MYLK: variants seen among roughly 807,000 people sequenced by gnomAD.
MYLK encodes the protein myosin light chain kinase.
Under a neutral mutation model 203.4 loss-of-function variants are expected in MYLK, and 106 were observed. The ratio of observed to expected loss-of-function variants is 0.52; its 90% confidence interval spans 0.45 to 0.61. The LOEUF (loss-of-function observed/expected upper bound fraction) is 0.61. MYLK is among the 20% of genes least tolerant of loss of function. The pLI is 0.00. For missense variants in MYLK, 2,072 were observed against 2,442.3 expected, an observed-to-expected ratio of 0.85 and a Z score of 3.20; for synonymous variants, 867 against 959.5, an observed-to-expected ratio of 0.90 and a Z score of 1.78.
At chr3:123,739,088 A>C in intron 6 of MYLK, 26 bp from the exon 7 acceptor site, 1 of 1,612,472 alleles carries the variant, frequency 6.2e-7, no homozygotes, top group Non-Finnish European at 8.5e-7. Context: ...CAGAGAATCC[A>C]GTCCCAGACA....
chr3:123,737,265 T>A, intron 8 of MYLK, 113 bp downstream of exon 8: 1 of 1,313,574 alleles, frequency 7.6e-7, no homozygotes, highest in East Asian at 2.3e-5. Context: ...TGCCTGGGTG[T>A]GTGAGTGGGC....
rs373523927 is a variant in MYLK, at chr3:123,724,027, T to C, written c.1652-1747A>G. On this transcript the variant is annotated intron_variant, in intron 12 of 33. Coordinates refer to ENST00000360304, the MANE Select transcript of MYLK (RefSeq NM_053025.4). ...ATAGCCACACTCGTTCTTTCACTTA[T>C]TGTCTATGGCTTATGTATTGTCTAT... Among the ~76,000 whole-genome samples, 14 of 152,324 alleles carry C rather than the reference T, an allele frequency of 9.2e-5. No individual in the cohort carries two copies. In the East Asian group the frequency reaches 1.7e-3, roughly 19 times the overall value.
intron 29 of MYLK, among the ~76,000 whole-genome samples, chr3:123,636,776 G>A (rs945578405): frequency 6.6e-6 from 1 of 152,210 alleles, no homozygotes; most frequent in Non-Finnish European, 1.5e-5. Context: ...CACCTGGCCC[G>A]GGGTTTTTCT....
rs2108003506 is a variant in MYLK at position 123,629,403 on chromosome 3, A to C, written c.5114+71T>G. The C allele has an allele frequency of 1.9e-6, 3 of 1,596,642 alleles. No individual in the cohort carries two copies. The highest frequency in any genetic ancestry group is 1.3e-5 in the African/African-American group (1 of 74,736). On this transcript the variant is annotated intron_variant, in intron 30 of 33. Coordinates refer to ENST00000360304, the MANE Select transcript of MYLK (RefSeq NM_053025.4). This position sits in a 1 kb window ranked among gnomAD's most constrained non-coding sequence, Gnocchi z 4.4. ...GCAAGGAGGGCACCCCAACAGGCAA[A>C]GGAATCCCCCTTTGCTTCCCAACAC...
chr3:123,822,114 G>A (rs1333683381), intron 3 of MYLK, among the ~76,000 whole-genome samples: 1 of 152,108 alleles, frequency 6.6e-6, no homozygotes, highest in Non-Finnish European at 1.5e-5. Context: ...CAGCAAGAAG[G>A]CCCTGGCAAG....
intron 5 of MYLK, among the ~76,000 whole-genome samples, chr3:123,745,947 T>G (rs1040624606): frequency 3.3e-5 from 5 of 152,190 alleles, no homozygotes; most frequent in Non-Finnish European, 4.4e-5. Flanking sequence ...AACCTCCTCA[T>G]GTCAGACTCA....
At chr3:123,786,362 A>G (rs1576970426) in intron 4 of MYLK, among the ~76,000 whole-genome samples, 1 of 151,742 alleles carries the variant, frequency 6.6e-6, no homozygotes, top group East Asian at 1.9e-4. Context: ...AAAGTATTAT[A>G]GGCGTTCAGA....
chr3:123,664,874 G>T (rs182410685), intron 22 of MYLK, among the ~76,000 whole-genome samples: 9 of 152,184 alleles, frequency 5.9e-5, no homozygotes, highest in Admixed American at 5.9e-4. Flanking sequence ...TACACAGAGA[G>T]AATGACATAC....
intron 2 of MYLK, among the ~76,000 whole-genome samples, chr3:123,849,595 T>C (rs1235030639): frequency 6.6e-6 from 1 of 152,168 alleles, no homozygotes; most frequent in East Asian, 1.9e-4. Context: ...AGAAAAGCAG[T>C]AAGAAAACAG....
At chr3:123,841,289 G>A (rs2066586690) in intron 2 of MYLK, among the ~76,000 whole-genome samples, 1 of 152,084 alleles carries the variant, frequency 6.6e-6, no homozygotes, top group Admixed American at 6.5e-5. Context: ...CTATAAAATA[G>A]TAGAGACAGA....
At chr3:123,758,967 G>C (rs1327265290) in intron 4 of MYLK, among the ~76,000 whole-genome samples, 1 of 152,106 alleles carries the variant, frequency 6.6e-6, no homozygotes, top group African/African-American at 2.4e-5. Context: ...TGGGACTATA[G>C]GCATATGCCA....
At chr3:123,652,985 G>C (rs1035214095) in intron 24 of MYLK, among the ~76,000 whole-genome samples, 1 of 152,182 alleles carries the variant, frequency 6.6e-6, no homozygotes, top group Non-Finnish European at 1.5e-5. Flanking sequence ...GAGGGGCACA[G>C]AACACATGGT....
At chr3:123,699,886 C>CCCT (rs2061109789) in intron 18 of MYLK, 134 bp downstream of exon 18, 2 of 1,176,768 alleles carry the variant, frequency 1.7e-6, no homozygotes, top group Non-Finnish European at 2.4e-6. Flanking sequence ...ACCCAGCAGG[C>CCCT]CCTCCTACCT....
At chr3:123,836,398 C>T (rs181400000) in intron 2 of MYLK, among the ~76,000 whole-genome samples, 1 of 152,086 alleles carries the variant, frequency 6.6e-6, no homozygotes, top group African/African-American at 2.4e-5. Context: ...TATTTTTATA[C>T]CCACTTTTTC....
chr3:123,752,523 C>A lies in MYLK; in HGVS notation c.181G>T (p.Glu61Ter). Residue 61 changes from glutamate to a stop codon, truncating the protein, a stop_gained, in exon 5 of 34, where the codon GAG becomes TAG. Transcript: ENST00000360304. LOFTEE classifies it high-confidence loss of function. ...KFEGRVRGYP[E>*]PQVTWHRNGQ... ...TTTCTGTGCCATGTCACCTGGGGCT[C>A]TGGGTAACCCCGGACCTTCAAGAAA... The A allele has an allele frequency of 6.2e-7, 1 of 1,613,634 alleles. No homozygotes were observed.
At chr3:123,839,836 C>G (rs938475552) in intron 2 of MYLK, among the ~76,000 whole-genome samples, 1 of 152,066 alleles carries the variant, frequency 6.6e-6, no homozygotes, top group African/African-American at 2.4e-5. Context: ...GAAGTGAGAC[C>G]ACATAGAAAT....
At chr3:123,849,841 C>A (rs552100717) in intron 2 of MYLK, among the ~76,000 whole-genome samples, 1 of 152,074 alleles carries the variant, frequency 6.6e-6, no homozygotes, top group East Asian at 1.9e-4. Context: ...TGTGCTGCAC[C>A]CATTAACTCA....
At chr3:123,679,305 CAA>C (rs58401553) in intron 20 of MYLK, among the ~76,000 whole-genome samples, 6 of 76,868 alleles carry the variant, frequency 7.8e-5, no homozygotes, top group Non-Finnish European at 8.1e-5. Context: ...GACTCTGTCT[CAA>C]AAAAAAAAAA....
chr3:123,789,567 G>A (rs535122350), intron 4 of MYLK, among the ~76,000 whole-genome samples: 4 of 151,882 alleles, frequency 2.6e-5, no homozygotes, highest in African/African-American at 9.7e-5. Flanking sequence ...CACGGGAAGA[G>A]GGATCTGGTT....
Sources: allele counts gnomAD v4.1 joint callset (sites outside exome capture counted in the v4.1 genomes callset), GRCh38; gene constraint gnomAD v4.1.1; non-coding constraint Gnocchi (gnomAD v3.1); transcripts MANE v1.5; gene names NCBI Gene and HGNC (gene_info 2026-07-23, HGNC 2026-07-21).